Variants in FARP1 observed in about 807,000 individuals in gnomAD.
FARP1 encodes FERM, ARHGEF and pleckstrin domain-containing protein 1.
FARP1 carries 52 observed loss-of-function variants against 128.8 expected under a neutral mutation model. The observed-to-expected ratio is 0.40, with a 90% CI of 0.32 to 0.51. FARP1 has a LOEUF of 0.51. Among genes scored for constraint, FARP1 ranks in the 20% least tolerant of loss-of-function variants. The pLI is 0.45. For missense variants in FARP1, 1,333 were observed against 1,367.9 expected (o/e 0.97, Z 0.40); for synonymous variants, 580 against 551.8 (o/e 1.05, Z -0.72).
At chr13:98,180,322 T>A (rs543902258) in intron 1 of FARP1, among the ~76,000 whole-genome samples, 1 of 151,848 alleles carries the variant, frequency 6.6e-6, no homozygotes, top group East Asian at 1.9e-4. Context: ...CAGAACAAGA[T>A]CCCTGGGTGA....
At chr13:98,433,455 G>C (rs764151248) in intron 18 of FARP1, 1 of 152,216 alleles carries the variant, frequency 6.6e-6, no homozygotes, top group Non-Finnish European at 1.5e-5. Context: ...CTGGCCAGGG[G>C]TGGTGGCTCA....
At chr13:98,423,465 T>G (rs555876351) in intron 16 of FARP1, among the ~76,000 whole-genome samples, 2 of 152,356 alleles carry the variant, frequency 1.3e-5, no homozygotes, top group African/African-American at 4.8e-5. Flanking sequence ...GTAAGTTGGC[T>G]TCTGGTTTTC....
chr13:98,144,708 T>C (rs1016916651), intron 1 of FARP1, among the ~76,000 whole-genome samples: 21 of 152,350 alleles, frequency 1.4e-4, no homozygotes, highest in South Asian at 4.1e-4. Flanking sequence ...GCTTTTCTTA[T>C]TCAGTCTGAA....
intron 2 of FARP1, among the ~76,000 whole-genome samples, chr13:98,310,059 G>A (rs1288543808): frequency 7.0e-6 from 1 of 142,502 alleles, no homozygotes; most frequent in Non-Finnish European, 1.5e-5. Flanking sequence ...CTGCTCTTTT[G>A]TTCCACTTAA....
intron 1 of FARP1, among the ~76,000 whole-genome samples, chr13:98,196,973 G>C (rs756861529): frequency 1.8e-4 from 28 of 151,986 alleles, no homozygotes; most frequent in Non-Finnish European, 4.0e-4. Context: ...GTATTTTATA[G>C]TATCCTTTGG....
chr13:98,359,201 A>G (rs140577313), intron 3 of FARP1, among the ~76,000 whole-genome samples: 230 of 152,306 alleles, frequency 1.5e-3, no homozygotes, highest in Admixed American at 2.7e-3. Flanking sequence ...AGCAGCTTGA[A>G]TAAGCCCTCT....
chr13:98,275,779 T>G (rs1221171990), intron 2 of FARP1, among the ~76,000 whole-genome samples: 3 of 152,162 alleles, frequency 2.0e-5, no homozygotes, highest in Non-Finnish European at 4.4e-5. Context: ...CTTTACTGAT[T>G]AATGGTTGAC....
intron 1 of FARP1, among the ~76,000 whole-genome samples, chr13:98,202,627 G>A (rs911948249): frequency 6.6e-6 from 1 of 152,014 alleles, no homozygotes; most frequent in Non-Finnish European, 1.5e-5. Flanking sequence ...CTCTCAGTGG[G>A]GCAGGAGTAG....
chr13:98,364,076 C>T (rs1888984342), intron 3 of FARP1, among the ~76,000 whole-genome samples: 1 of 152,190 alleles, frequency 6.6e-6, no homozygotes, highest in South Asian at 2.1e-4. Flanking sequence ...GGTAATGTGT[C>T]ATAATGATGT....
chr13:98,218,708 G>T (rs1408161709), intron 2 of FARP1, among the ~76,000 whole-genome samples: 1 of 152,156 alleles, frequency 6.6e-6, no homozygotes, highest in Non-Finnish European at 1.5e-5. Flanking sequence ...GTTGTGATTG[G>T]CCTTATGTGC....
intron 3 of FARP1, among the ~76,000 whole-genome samples, chr13:98,358,071 G>GT (rs1261668721): frequency 0.01 from 1,428 of 136,860 alleles, 7 homozygotes; most frequent in East Asian, 0.016. Flanking sequence ...ATACATTTCT[G>GT]TTTTTTTTTT....
chr13:98,404,182 A>T lies in FARP1; in HGVS notation c.1415-5156A>T, dbSNP rs553465911. On this transcript the variant is annotated intron_variant, in intron 13 of 26. Coordinates refer to ENST00000319562, the MANE Select transcript of FARP1 (RefSeq NM_005766.4). ...TTCTTTTCCTGCAAGTTGCATTGCT[A>T]TTGCTTTTCTGAATTGCTTGATGAT... 7.2e-5 allele frequency: 11 copies of T among 152,334 alleles called. No homozygotes were observed. In the South Asian group the frequency reaches 2.3e-3, roughly 32 times the overall value. 9.4% of individuals were successfully genotyped at this position (152,334 alleles called of 1,614,324 possible).
chr13:98,176,399 C>T lies in FARP1; in HGVS notation c.-24+32907C>T, dbSNP rs1179103600. The stretch of plus-strand genomic sequence containing the variant: ...GGGGTGGCCCGGAAGTGCTCCAGCG[C>T]GCAGCTCTCGCAGAAATAATGCCTG... On this transcript the variant is annotated intron_variant, in intron 1 of 26. Transcript: ENST00000319562. This position sits in a 1 kb window ranked among gnomAD's most constrained non-coding sequence, Gnocchi z 6.2. The T allele has an allele frequency of 8.1e-6, 13 of 1,614,188 alleles. No homozygotes were observed. The highest frequency in any genetic ancestry group is 1.1e-5 in the Non-Finnish European group (13 of 1,180,046).
intron 2 of FARP1, among the ~76,000 whole-genome samples, chr13:98,321,569 A>G (rs1886993298): frequency 6.6e-6 from 1 of 152,124 alleles, no homozygotes; most frequent in Admixed American, 6.6e-5. Flanking sequence ...TTCCAGGGGG[A>G]TGATGACCTG....
intron 9 of FARP1, 110 bp downstream of exon 9, chr13:98,388,588 T>C (rs1890187913): frequency 1.3e-6 from 1 of 787,186 alleles, no homozygotes; most frequent in South Asian, 1.4e-5. Context: ...TGGCCAGTGC[T>C]ACCCAGGTGC....
At chr13:98,413,837 A>C (rs1198168119) in intron 16 of FARP1, among the ~76,000 whole-genome samples, 1 of 152,220 alleles carries the variant, frequency 6.6e-6, no homozygotes. Flanking sequence ...TTCTCTGGCC[A>C]GCGAGACATG....
At chr13:98,407,466 T>G (rs1212320757) in intron 13 of FARP1, 1 of 152,214 alleles carries the variant, frequency 6.6e-6, no homozygotes, top group Non-Finnish European at 1.5e-5. Flanking sequence ...TGTGCACTAG[T>G]GTCAATAAAA....
intron 2 of FARP1, among the ~76,000 whole-genome samples, chr13:98,342,827 C>A (rs1594424159): frequency 6.6e-6 from 1 of 151,956 alleles, no homozygotes; most frequent in African/African-American, 2.4e-5. Context: ...GAGTTTGAGA[C>A]CAGCTTGACC....
intron 1 of FARP1, chr13:98,203,809 G>A (rs187846602): frequency 9.1e-4 from 139 of 152,260 alleles, no homozygotes; most frequent in African/African-American, 3.3e-3. Context: ...TGGGTTTCAT[G>A]CCAAACTTAT....
Sources: allele counts gnomAD v4.1 joint callset (sites outside exome capture counted in the v4.1 genomes callset), GRCh38; gene constraint gnomAD v4.1.1; non-coding constraint Gnocchi (gnomAD v3.1); transcripts MANE v1.5; gene names NCBI Gene and HGNC (gene_info 2026-07-23, HGNC 2026-07-21).